ELOVL7: variants seen among roughly 807,000 people sequenced by gnomAD.
ELOVL7 encodes very long chain fatty acid elongase 7.
ELOVL7 carries 27 observed loss-of-function variants against 35.7 expected under a neutral mutation model. The ratio of observed to expected loss-of-function variants is 0.76; its 90% CI spans 0.56 to 1.04. ELOVL7 has a LOEUF of 1.04. ELOVL7 is among the 50% of genes least tolerant of loss of function. The pLI is 0.00. For missense variants in ELOVL7, 327 were observed against 340.8 expected, an observed-to-expected ratio of 0.96 and a Z score of 0.32; for synonymous variants, 113 against 114.6, an observed-to-expected ratio of 0.99 and a Z score of 0.09.
At chr5:60,792,846 T>A (rs1744020330) in intron 2 of ELOVL7, among the ~76,000 whole-genome samples, 1 of 152,188 alleles carries the variant, frequency 6.6e-6, no homozygotes. Flanking sequence ...GGCTCTTGTA[T>A]GAATGAAGCT....
rs926548943 is a variant in ELOVL7 at position 60,753,203 on chromosome 5, TAAATAAAAGAAGAAA to T, written c.*1406_*1420del. On this transcript the variant is annotated 3_prime_UTR_variant, in exon 9 of 9. Transcript: ENST00000508821. ...ATAAACAGTGCTTCAAAATTGAGTA[TAAATAAAAGAAGAAA>T]AAAAATAGGGAAAAATTCACAAATG... 6.6e-6 allele frequency: 1 copy of T among 151,654 alleles called. No individual in the cohort carries two copies. The highest frequency in any genetic ancestry group is 2.4e-5 in the African/African-American group (1 of 41,316). 9.4% of individuals were successfully genotyped at this position (151,654 alleles called of 1,614,324 possible).
intron 1 of ELOVL7, among the ~76,000 whole-genome samples, chr5:60,802,004 G>A (rs182165279): frequency 4.4e-4 from 60 of 137,188 alleles, no homozygotes; most frequent in African/African-American, 1.6e-3. Flanking sequence ...TCTCCAGCTT[G>A]CAGATGGCCT....
chr5:60,763,907 C>T (rs1400113675), intron 7 of ELOVL7, among the ~76,000 whole-genome samples: 2 of 151,950 alleles, frequency 1.3e-5, no homozygotes, highest in Non-Finnish European at 2.9e-5. Flanking sequence ...AAAGTTTTTA[C>T]CATTTGATTT....
At chr5:60,824,360 C>T (rs1356622028) in intron 1 of ELOVL7, among the ~76,000 whole-genome samples, 1 of 152,174 alleles carries the variant, frequency 6.6e-6, no homozygotes, top group Non-Finnish European at 1.5e-5. Context: ...CCCAGAGCAA[C>T]AGCAGGAGTA....
At position 60,754,486 on chromosome 5, in the gene ELOVL7, T is replaced by C; in HGVS notation, c.*138A>G. ...TCTGGAAGCTTCGGGCTCTCAAATATCAGACATCCCAATAACTTACCATAA... is the reference window on the plus strand; with the variant it reads ...TCTGGAAGCTTCGGGCTCTCAAATACCAGACATCCCAATAACTTACCATAA... On this transcript the variant is annotated 3_prime_UTR_variant, in exon 9 of 9. Transcript: ENST00000508821. 1.4e-6 allele frequency: 1 copy of C among 720,938 alleles called. No homozygotes were observed. Among genetic ancestry groups the C allele is most frequent in the Non-Finnish European group, 2.3e-6 (1 of 443,496 alleles). 44.7% of individuals were successfully genotyped at this position (720,938 alleles called of 1,614,324 possible). A position where few individuals can be genotyped will look rare whatever the true frequency, so the allele number is the denominator to read the frequency against.
intron 7 of ELOVL7, among the ~76,000 whole-genome samples, chr5:60,760,986 G>A (rs1428001609): frequency 6.6e-6 from 1 of 152,108 alleles, no homozygotes; most frequent in Non-Finnish European, 1.5e-5. Context: ...TCAAATAAAA[G>A]TAACATGTTT....
chr5:60,837,697 T>G (rs1746910426), intron 1 of ELOVL7, among the ~76,000 whole-genome samples: 1 of 152,062 alleles, frequency 6.6e-6, no homozygotes. Flanking sequence ...ATCCCAGCAC[T>G]TTAGGAGGCC....
rs980748649 is a variant in ELOVL7 at position 60,796,530 on chromosome 5, C to T, written c.-35+2650G>A. Among the ~76,000 whole-genome samples, 21 of 152,304 alleles carry T rather than the reference C, an allele frequency of 1.4e-4. 1 individual carries two copies. Among genetic ancestry groups the T allele is most frequent in the East Asian group, 5.8e-4 (3 of 5,184 alleles). ...AAAAACATTTCCAGAAATTGCCAAA[C>T]GTCCCCTGTGGGGCAAAATCCTCCC... On this transcript the variant is annotated intron_variant, in intron 2 of 8. Coordinates refer to ENST00000508821, the MANE Select transcript of ELOVL7 (RefSeq NM_024930.3).
intron 3 of ELOVL7, among the ~76,000 whole-genome samples, chr5:60,786,262 T>C (rs1250222280): frequency 6.6e-6 from 1 of 152,226 alleles, no homozygotes; most frequent in East Asian, 1.9e-4. Context: ...GATGCTCTGA[T>C]TCTTTTTTTT....
At chr5:60,822,589 G>A (rs900279800) in intron 1 of ELOVL7, among the ~76,000 whole-genome samples, 5 of 152,170 alleles carry the variant, frequency 3.3e-5, no homozygotes, top group Non-Finnish European at 7.4e-5. Context: ...TGTTTAGCAG[G>A]CACTTGGGAG....
chr5:60,777,097 A>C (rs551144147), intron 3 of ELOVL7, among the ~76,000 whole-genome samples: 1 of 107,710 alleles, frequency 9.3e-6, no homozygotes, highest in East Asian at 3.0e-4. Flanking sequence ...GAGGCTAGGA[A>C]GGGTACTAGG....
chr5:60,758,957 T>C (rs1016480339), intron 7 of ELOVL7, among the ~76,000 whole-genome samples: 1 of 152,186 alleles, frequency 6.6e-6, no homozygotes, highest in African/African-American at 2.4e-5. Context: ...ATAAACACTA[T>C]GAATTACAGA....
At chr5:60,781,355 T>C (rs1015825987) in intron 3 of ELOVL7, among the ~76,000 whole-genome samples, 1 of 152,192 alleles carries the variant, frequency 6.6e-6, no homozygotes, top group African/African-American at 2.4e-5. Flanking sequence ...GATTCTATTA[T>C]TAACAGTCAT....
intron 4 of ELOVL7, among the ~76,000 whole-genome samples, chr5:60,770,161 G>A (rs1337739572): frequency 1.3e-5 from 2 of 152,054 alleles, no homozygotes; most frequent in African/African-American, 4.8e-5. Context: ...CAGTAAATGA[G>A]AGTCAGAAAC....
At chr5:60,757,935 T>C (rs975877058) in intron 7 of ELOVL7, among the ~76,000 whole-genome samples, 3 of 152,144 alleles carry the variant, frequency 2.0e-5, no homozygotes, top group African/African-American at 7.2e-5. Context: ...ACCTTTTAAA[T>C]ATAATATGTT....
chr5:60,814,649 A>C (rs549011876), intron 1 of ELOVL7, among the ~76,000 whole-genome samples: 302 of 152,320 alleles, frequency 2.0e-3, no homozygotes, highest in African/African-American at 7.0e-3. Flanking sequence ...TCTACAGATA[A>C]GGAAACTGAA....
At chr5:60,766,841 C>T (rs2169256) in intron 5 of ELOVL7, among the ~76,000 whole-genome samples, 28,944 of 152,110 alleles carry the variant, frequency 0.19, 5,024 homozygotes, top group African/African-American at 0.46. Flanking sequence ...ATTGAAGCTA[C>T]ACCCACTAAA....
intron 1 of ELOVL7, chr5:60,843,559 C>T (rs1265100964): frequency 6.6e-6 from 1 of 152,350 alleles, no homozygotes; most frequent in Non-Finnish European, 1.5e-5. Flanking sequence ...AGGGACAGCG[C>T]CCCAAGTTCA....
chr5:60,762,841 T>C (rs915662603), intron 7 of ELOVL7, among the ~76,000 whole-genome samples: 1 of 152,202 alleles, frequency 6.6e-6, no homozygotes, highest in African/African-American at 2.4e-5. Flanking sequence ...ATCATTTTTG[T>C]TTCACAGTCA....
Sources: allele counts gnomAD v4.1 joint callset (sites outside exome capture counted in the v4.1 genomes callset), GRCh38; gene constraint gnomAD v4.1.1; transcripts MANE v1.5; gene names NCBI Gene and HGNC (gene_info 2026-07-23, HGNC 2026-07-21).